Variants in CAPSL observed in about 807,000 individuals in gnomAD.
CAPSL encodes calcyphosin-like protein.
In CAPSL, 17 loss-of-function variants were observed where a neutral mutation model predicts 21.3. The ratio of observed to expected loss-of-function variants is 0.80; its 90% confidence interval spans 0.55 to 1.20. The LOEUF (loss-of-function observed/expected upper bound fraction) is 1.20. CAPSL is among the 50% of genes most tolerant of loss of function. The pLI, the probability that CAPSL is intolerant of heterozygous loss-of-function variation, is 0.00. For synonymous variants in CAPSL, 102 were observed against 89.3 expected (o/e 1.14, Z -0.80); for missense variants, 289 against 259.3 (o/e 1.11, Z -0.79).
chr5:35,912,593 C>G (rs540768857), intron 2 of CAPSL, among the ~76,000 whole-genome samples: 3 of 152,210 alleles, frequency 2.0e-5, no homozygotes, highest in African/African-American at 7.2e-5. Context: ...GATACCCAGG[C>G]AAACAGGGTC....
intron 1 of CAPSL, among the ~76,000 whole-genome samples, chr5:35,933,161 C>A (rs575888103): frequency 2.0e-5 from 3 of 152,116 alleles, no homozygotes; most frequent in Non-Finnish European, 4.4e-5. Context: ...CGGGACTATG[C>A]AAAAGATAAG....
intron 2 of CAPSL, among the ~76,000 whole-genome samples, chr5:35,919,166 A>ATATAT (rs1346382394): frequency 8.6e-6 from 1 of 116,738 alleles, no homozygotes; most frequent in African/African-American, 3.4e-5. Context: ...TGATTAAAAA[A>ATATAT]AAAAATATAT....
chr5:35,910,343 C>T (rs1402582100), intron 3 of CAPSL, 23 bp downstream of exon 3: 2 of 1,607,374 alleles, frequency 1.2e-6, no homozygotes, highest in Admixed American at 1.7e-5. Flanking sequence ...TCAGCAGATA[C>T]ACTGATTAAT....
intron 1 of CAPSL, among the ~76,000 whole-genome samples, chr5:35,934,177 G>A (rs1379364147): frequency 6.6e-6 from 1 of 152,192 alleles, no homozygotes; most frequent in Non-Finnish European, 1.5e-5. Flanking sequence ...CATTCATCCA[G>A]AGATTAAAGC....
chr5:35,937,247 C>A (rs895085339), intron 1 of CAPSL, among the ~76,000 whole-genome samples: 11 of 152,208 alleles, frequency 7.2e-5, no homozygotes, highest in Admixed American at 5.2e-4. Flanking sequence ...AAAACATGAA[C>A]TTCATGATAT....
At chr5:35,926,497 T>C (rs1199029851) in intron 1 of CAPSL, among the ~76,000 whole-genome samples, 1 of 152,136 alleles carries the variant, frequency 6.6e-6, no homozygotes, top group Non-Finnish European at 1.5e-5. Context: ...CGAATTATTG[T>C]AGGAAGGATG....
chr5:35,925,324 G>A (rs1042271584), intron 1 of CAPSL, among the ~76,000 whole-genome samples: 2 of 152,238 alleles, frequency 1.3e-5, no homozygotes, highest in African/African-American at 4.8e-5. Context: ...AGGAGGTGAT[G>A]TCTAAACTTT....
intron 4 of CAPSL, among the ~76,000 whole-genome samples, chr5:35,905,067 G>T (rs183628355): frequency 1.0e-3 from 158 of 152,228 alleles, no homozygotes; most frequent in African/African-American, 3.7e-3. Context: ...TTCCAAAAAT[G>T]GAGTTCTCTC....
intron 1 of CAPSL, among the ~76,000 whole-genome samples, chr5:35,922,071 G>A (rs1274538151): frequency 1.4e-5 from 2 of 146,478 alleles, no homozygotes; most frequent in African/African-American, 5.1e-5. Flanking sequence ...GCAATGTGCA[G>A]AAAAAAAAAA....
intron 4 of CAPSL, among the ~76,000 whole-genome samples, chr5:35,908,978 G>A (rs1398713847): frequency 1.3e-5 from 2 of 152,128 alleles, no homozygotes; most frequent in Admixed American, 6.5e-5. Context: ...AAGGGCTTAA[G>A]AGACAATGAA....
chr5:35,908,083 T>C (rs1738076560), intron 4 of CAPSL, among the ~76,000 whole-genome samples: 1 of 152,246 alleles, frequency 6.6e-6, no homozygotes, highest in African/African-American at 2.4e-5. Flanking sequence ...TTCATTATTA[T>C]GCTAAATGGG....
intron 1 of CAPSL, among the ~76,000 whole-genome samples, chr5:35,923,020 C>G (rs571680191): frequency 2.6e-5 from 4 of 152,270 alleles, no homozygotes; most frequent in African/African-American, 9.6e-5. Context: ...ACAACATGCC[C>G]TTCTCATTCT....
chr5:35,915,399 C>G lies in CAPSL; in HGVS notation c.138-4856G>C, dbSNP rs558321103. Reference sequence around the variant, plus strand: ...TCCTGATACCACAGCCGGACAGAGACACAACCAAAAAAGAGAATTTTAGAC... The same window carrying G: ...TCCTGATACCACAGCCGGACAGAGAGACAACCAAAAAAGAGAATTTTAGAC... On this transcript the variant is annotated intron_variant, in intron 2 of 4. Coordinates refer to ENST00000651391, the MANE Select transcript of CAPSL (RefSeq NM_001042625.2). 3.4e-4 allele frequency among the ~76,000 whole-genome samples: 52 copies of G among 152,268 alleles called. 1 individual carries two copies. The East Asian group carries it at 8.5e-3, about 25-fold the overall frequency.
intron 1 of CAPSL, among the ~76,000 whole-genome samples, chr5:35,928,819 C>T (rs1469886069): frequency 6.6e-6 from 1 of 152,124 alleles, no homozygotes; most frequent in African/African-American, 2.4e-5. Context: ...AGTTGAGAAG[C>T]CCTGATATAG....
At chr5:35,917,426 T>C (rs1738419512) in intron 2 of CAPSL, among the ~76,000 whole-genome samples, 2 of 152,234 alleles carry the variant, frequency 1.3e-5, no homozygotes, top group South Asian at 4.1e-4. Flanking sequence ...CGTATGTTTA[T>C]TGTGGCACTA....
intron 2 of CAPSL, among the ~76,000 whole-genome samples, chr5:35,919,174 T>A (rs202098391): frequency 0.019 from 1,888 of 98,022 alleles, 30 homozygotes; most frequent in Non-Finnish European, 0.029. Context: ...AAAAAAAATA[T>A]ATATATATAT....
chr5:35,934,935 T>C (rs1389390150), intron 1 of CAPSL, among the ~76,000 whole-genome samples: 3 of 152,218 alleles, frequency 2.0e-5, no homozygotes, highest in Non-Finnish European at 4.4e-5. Flanking sequence ...TAAGGAAACC[T>C]ACCCCTCTTG....
chr5:35,922,743 C>T (rs1738571633), intron 1 of CAPSL, among the ~76,000 whole-genome samples: 1 of 152,194 alleles, frequency 6.6e-6, no homozygotes. Context: ...CTTTAGCTTT[C>T]TAATAACTGG....
intron 4 of CAPSL, among the ~76,000 whole-genome samples, chr5:35,906,220 T>C (rs888272696): frequency 3.3e-5 from 5 of 152,238 alleles, no homozygotes; most frequent in African/African-American, 1.2e-4. Context: ...TTATTGTTTC[T>C]ATTGTCTGTT....
Sources: allele counts gnomAD v4.1 joint callset (sites outside exome capture counted in the v4.1 genomes callset), GRCh38; gene constraint gnomAD v4.1.1; transcripts MANE v1.5; gene names NCBI Gene and HGNC (gene_info 2026-07-23, HGNC 2026-07-21).